PDE3B: variants seen among roughly 807,000 people sequenced by gnomAD.
The protein encoded by PDE3B is cGMP-inhibited 3',5'-cyclic phosphodiesterase 3B.
In PDE3B, 66 loss-of-function variants were observed where a neutral mutation model predicts 116.8. That is an observed-to-expected ratio of 0.56 (90% CI 0.46 to 0.69). The LOEUF (loss-of-function observed/expected upper bound fraction) is 0.69, where lower values mean the gene tolerates loss of function less well. PDE3B is among the 30% of genes least tolerant of loss of function. The pLI is 0.00. For synonymous variants in PDE3B, 595 were observed against 533.6 expected, an observed-to-expected ratio of 1.12 and a Z score of -1.59; for missense variants, 1,384 against 1,368.1, an observed-to-expected ratio of 1.01 and a Z score of -0.18.
At chr11:14,861,832 G>C (rs1467547118) in intron 14 of PDE3B, among the ~76,000 whole-genome samples, 1 of 152,204 alleles carries the variant, frequency 6.6e-6, no homozygotes, top group Non-Finnish European at 1.5e-5. Context: ...CAAGTGCATG[G>C]TTTGACCTTT....
intron 1 of PDE3B, among the ~76,000 whole-genome samples, chr11:14,675,022 A>G (rs1417391597): frequency 6.6e-6 from 1 of 152,214 alleles, no homozygotes; most frequent in African/African-American, 2.4e-5. Context: ...ATACGGATGT[A>G]TAATATTTCT....
At chr11:14,839,272 C>T (rs1244300180) in intron 11 of PDE3B, among the ~76,000 whole-genome samples, 3 of 152,140 alleles carry the variant, frequency 2.0e-5, no homozygotes, top group African/African-American at 4.8e-5. Flanking sequence ...AGAGGACCAT[C>T]GTTGTAGGAA....
chr11:14,800,132 A>G (rs1858702839), intron 4 of PDE3B, among the ~76,000 whole-genome samples: 1 of 152,180 alleles, frequency 6.6e-6, no homozygotes, highest in African/African-American at 2.4e-5. Flanking sequence ...TGGTGGTGAC[A>G]GAATCTCTCA....
At chr11:14,891,396 T>C in the PDE3B span, 25 of 985,734 alleles carry the variant, frequency 2.5e-5, no homozygotes, top group East Asian at 2.3e-3. Flanking sequence ...CAGCGGATTT[T>C]AGTCATCAAT....
At chr11:14,721,927 A>G (rs892930085) in intron 1 of PDE3B, among the ~76,000 whole-genome samples, 1 of 117,256 alleles carries the variant, frequency 8.5e-6, no homozygotes, top group Non-Finnish European at 1.7e-5. Flanking sequence ...AAGTATAATT[A>G]AAAAAAAAAA....
intron 9 of PDE3B, 107 bp from the exon 10 acceptor site, chr11:14,832,614 TA>T (rs1157826431): frequency 2.1e-6 from 1 of 486,026 alleles, no homozygotes; most frequent in Non-Finnish European, 3.7e-6. Context: ...TAAAGACGTA[TA>T]TTAATACATG....
intron 1 of PDE3B, among the ~76,000 whole-genome samples, chr11:14,771,251 G>A (rs1035208234): frequency 6.6e-6 from 1 of 151,648 alleles, no homozygotes; most frequent in Non-Finnish European, 1.5e-5. Context: ...ATGATAGGTA[G>A]CAGTTATAGC....
intron 12 of PDE3B, among the ~76,000 whole-genome samples, chr11:14,850,394 C>G (rs990713764): frequency 2.6e-5 from 4 of 151,902 alleles, no homozygotes; most frequent in South Asian, 2.1e-4. Flanking sequence ...TGCTAAATGA[C>G]AAGTTAATGG....
At chr11:14,681,886 T>C (rs959592880) in intron 1 of PDE3B, among the ~76,000 whole-genome samples, 2 of 152,140 alleles carry the variant, frequency 1.3e-5, no homozygotes, top group African/African-American at 4.8e-5. Context: ...CCTGAAGCAG[T>C]TGAAAATCTA....
intron 1 of PDE3B, among the ~76,000 whole-genome samples, chr11:14,672,732 G>C (rs1854410443): frequency 6.6e-6 from 1 of 152,054 alleles, no homozygotes; most frequent in Non-Finnish European, 1.5e-5. Flanking sequence ...CTTCCAGTCA[G>C]TGGGGAAGGG....
rs574927787 is a variant in PDE3B at position 14,706,730 on chromosome 11, C to T, written c.978+61677C>T. On this transcript the variant is annotated intron_variant, in intron 1 of 15. Coordinates refer to ENST00000282096, the MANE Select transcript of PDE3B (RefSeq NM_000922.4). ...TCATAGGTGAAATTGTACTTATTAT[C>T]AATTCATTAGGTGCATACAATACAC... Among the ~76,000 whole-genome samples, 31 of 152,052 alleles carry T rather than the reference C, an allele frequency of 2.0e-4. No individual in the cohort carries two copies. The South Asian group carries it at 6.2e-3, about 30-fold the overall frequency.
In PDE3B at chr11:14,644,813, G is replaced by T. The variant is rs768402255; in HGVS notation, c.738G>T (p.Pro246=). The T allele has an allele frequency of 1.2e-6, 2 of 1,611,618 alleles. No individual in the cohort carries two copies. The highest frequency in any genetic ancestry group is 1.7e-6 in the Non-Finnish European group (2 of 1,178,806). ...GGTCGCTGCCCTCCGCCCTCAGGCC[G>T]CTGCTCTCCGGCCTGGTGGGGGGCG... ...SLGSLPSALR[P]LLSGLVGGAG... is the part of the protein sequence containing the mutation. The change falls in exon 1 of 16, where the codon CCG becomes CCT. Residue 246 remains proline (P), a synonymous_variant. Coordinates refer to ENST00000282096, the MANE Select transcript of PDE3B (RefSeq NM_000922.4).
At chr11:14,845,354 A>G (rs1200650194) in intron 12 of PDE3B, among the ~76,000 whole-genome samples, 1 of 152,070 alleles carries the variant, frequency 6.6e-6, no homozygotes, top group Non-Finnish European at 1.5e-5. Context: ...ACCATCATCA[A>G]AGACCAAAAG....
chr11:14,747,268 T>A (rs1856934592), intron 1 of PDE3B, among the ~76,000 whole-genome samples: 1 of 152,194 alleles, frequency 6.6e-6, no homozygotes, highest in African/African-American at 2.4e-5. Flanking sequence ...CATTTCAGCA[T>A]GAGATTTGGA....
chr11:14,837,624 CAATGACTTAGGTAT>C (rs1449689263), intron 11 of PDE3B, among the ~76,000 whole-genome samples: 1 of 152,214 alleles, frequency 6.6e-6, no homozygotes, highest in Non-Finnish European at 1.5e-5. Flanking sequence ...AGTCTGTTCT[CAATGACTTAGGTAT>C]AGTATTCTCT....
chr11:14,856,908 T>C (rs1368604604), intron 12 of PDE3B, among the ~76,000 whole-genome samples: 1 of 152,052 alleles, frequency 6.6e-6, no homozygotes, highest in Non-Finnish European at 1.5e-5. Flanking sequence ...ATGACCTAGA[T>C]TTTTGTTAAT....
At chr11:14,867,472 G>C in intron 14 of PDE3B, 34 bp from the exon 15 acceptor site, 3 of 1,593,502 alleles carry the variant, frequency 1.9e-6, no homozygotes, top group Non-Finnish European at 2.6e-6. Context: ...TCTTTCACCA[G>C]TTAAAAATGT....
At chr11:14,802,167 GC>G (rs1409232852) in intron 4 of PDE3B, among the ~76,000 whole-genome samples, 1 of 152,114 alleles carries the variant, frequency 6.6e-6, no homozygotes, top group African/African-American at 2.4e-5. Flanking sequence ...CGTTCCAGGT[GC>G]CCCTGTGGTA....
intron 4 of PDE3B, 113 bp from the exon 5 acceptor site, chr11:14,803,831 G>A (rs954476659): frequency 4.9e-5 from 32 of 656,546 alleles, no homozygotes; most frequent in Admixed American, 2.0e-4. Context: ...CACTAGAGGC[G>A]CAAACTCTGA....
Sources: allele counts gnomAD v4.1 joint callset (sites outside exome capture counted in the v4.1 genomes callset), GRCh38; gene constraint gnomAD v4.1.1; transcripts MANE v1.5; gene names NCBI Gene and HGNC (gene_info 2026-07-23, HGNC 2026-07-21).